Variants in ANXA6 observed in about 807,000 individuals in gnomAD.
ANXA6 encodes the protein annexin A6.
A neutral mutation model predicts 95.4 loss-of-function variants in ANXA6; 71 were observed. That is an observed-to-expected ratio of 0.74 (90% confidence interval 0.61 to 0.91). The LOEUF (loss-of-function observed/expected upper bound fraction) is 0.91. ANXA6 is among the 40% of genes least tolerant of loss of function. The pLI is 0.00. For missense variants in ANXA6, 830 were observed against 876.4 expected (o/e 0.95, Z 0.67); for synonymous variants, 289 against 315.9 (o/e 0.91, Z 0.90).
chr5:151,120,216 C>A (rs945778673), intron 17 of ANXA6, among the ~76,000 whole-genome samples: 2 of 151,962 alleles, frequency 1.3e-5, no homozygotes, highest in Non-Finnish European at 2.9e-5. Flanking sequence ...CGTTACATGC[C>A]CTGGACTAAG....
chr5:151,111,938 G>A (rs1764862125), intron 20 of ANXA6, among the ~76,000 whole-genome samples: 1 of 151,996 alleles, frequency 6.6e-6, no homozygotes, highest in South Asian at 2.1e-4. Flanking sequence ...ACATGTGCAT[G>A]CCACCAGCCC....
intron 24 of ANXA6, among the ~76,000 whole-genome samples, chr5:151,104,866 T>C (rs565054648): frequency 9.8e-5 from 15 of 152,354 alleles, no homozygotes; most frequent in East Asian, 7.7e-4. Context: ...CCTGTGTGCC[T>C]CCAGAGCACA....
chr5:151,121,195 C>A (rs1257847727), intron 17 of ANXA6, among the ~76,000 whole-genome samples: 7 of 152,190 alleles, frequency 4.6e-5, no homozygotes, highest in African/African-American at 7.2e-5. Flanking sequence ...TCAAGACAGG[C>A]TCTAGAGTCA....
chr5:151,154,016 G>A (rs890918289), intron 1 of ANXA6, among the ~76,000 whole-genome samples: 1 of 151,996 alleles, frequency 6.6e-6, no homozygotes, highest in African/African-American at 2.4e-5. Flanking sequence ...GCTTTCTTTA[G>A]TGACCTCAGC....
At chr5:151,106,342 G>A (rs367832866) in intron 23 of ANXA6, among the ~76,000 whole-genome samples, 4 of 152,266 alleles carry the variant, frequency 2.6e-5, no homozygotes, top group Non-Finnish European at 5.9e-5. Flanking sequence ...TGGATATAAT[G>A]AGAACAGACG....
chr5:151,123,874 TGAGG>T (rs3838655), intron 15 of ANXA6, among the ~76,000 whole-genome samples: 68,049 of 151,736 alleles, frequency 0.45, 15,905 homozygotes, highest in Admixed American at 0.59. Flanking sequence ...CACCACAGAA[TGAGG>T]GAGGGCTCTT....
Position 151,140,195 on chromosome 5 carries a change from T to C in ANXA6, c.67A>G (p.Asn23Asp), listed in dbSNP as rs1765788958. 6.2e-7 allele frequency: 1 copy of C among 1,613,802 alleles called. No homozygotes were observed. Among genetic ancestry groups the C allele is most frequent in the Non-Finnish European group, 8.5e-7 (1 of 1,179,876 alleles). Residue 23 changes from asparagine (N) to aspartate (D), a missense_variant, in exon 3 of 26, where the codon AAC becomes GAC. Asn to Asp is a conservative substitution (Grantham distance 23). Coordinates refer to ENST00000354546, the MANE Select transcript of ANXA6 (RefSeq NM_001155.5). The stretch of plus-strand genomic sequence containing the variant: ...GTGTACAGAGCCTCGGCATCCTGGT[T>C]GGGGTCAAAGCCTGGGAAGTCATGG... ...SIHDFPGFDPNQDAEALYTAM... is the reference protein window; with the variant it reads ...SIHDFPGFDPDQDAEALYTAM...
intron 20 of ANXA6, among the ~76,000 whole-genome samples, chr5:151,112,935 C>T (rs577002696): frequency 6.6e-6 from 1 of 152,254 alleles, no homozygotes; most frequent in East Asian, 1.9e-4. Context: ...CAGTCAAATT[C>T]ACAGACATAG....
chr5:151,140,410 T>G, intron 2 of ANXA6, 167 bp from the exon 3 acceptor site: 1 of 632,270 alleles, frequency 1.6e-6, no homozygotes. Flanking sequence ...GACTTTCCCA[T>G]ACCACCTGCT....
intron 22 of ANXA6, 111 bp downstream of exon 22, chr5:151,109,642 A>T: frequency 1.2e-6 from 1 of 800,910 alleles, no homozygotes; most frequent in Non-Finnish European, 2.1e-6. Context: ...CTGCTGGGTT[A>T]AGGAGGAGGT....
chr5:151,110,067 G>T (rs931625319), intron 21 of ANXA6, among the ~76,000 whole-genome samples: 1 of 152,260 alleles, frequency 6.6e-6, no homozygotes, highest in South Asian at 2.1e-4. Flanking sequence ...GACAAAGATG[G>T]CCTTAGCACT....
chr5:151,131,242 T>C lies in ANXA6; in HGVS notation c.784A>G (p.Lys262Glu). The C allele has an allele frequency of 6.2e-7, 1 of 1,613,964 alleles. No individual in the cohort carries two copies. Among genetic ancestry groups the C allele is most frequent in the Non-Finnish European group, 8.5e-7 (1 of 1,179,864 alleles). Residue 262 changes from lysine to glutamate, a missense_variant, in exon 11 of 26, where the codon AAG becomes GAG. Physicochemically the swap from Lys to Glu is moderately conservative, Grantham distance 56. Coordinates refer to ENST00000354546, the MANE Select transcript of ANXA6 (RefSeq NM_001155.5). Reference sequence around the variant, plus strand: ...GCCCCACCACGCACCTTCATAGCCTTGAAGAGCCTTTCAGCAAAATATTCC... The same window carrying C: ...GCCCCACCACGCACCTTCATAGCCTCGAAGAGCCTTTCAGCAAAATATTCC... ...TPEYFAERLF[K>E]AMKGLGTRDN...
intron 20 of ANXA6, among the ~76,000 whole-genome samples, chr5:151,111,444 C>T (rs1764845602): frequency 6.6e-6 from 1 of 152,218 alleles, no homozygotes; most frequent in Non-Finnish European, 1.5e-5. Context: ...AAACCTTCCT[C>T]TTCTTTTCAT....
intron 18 of ANXA6, among the ~76,000 whole-genome samples, chr5:151,118,850 G>T (rs1045315849): frequency 6.6e-6 from 1 of 152,164 alleles, no homozygotes; most frequent in African/African-American, 2.4e-5. Flanking sequence ...TTACAGGTGT[G>T]AGCCACTGCA....
chr5:151,128,733 A>G (rs1242290911), intron 12 of ANXA6, among the ~76,000 whole-genome samples: 2 of 152,264 alleles, frequency 1.3e-5, no homozygotes, highest in African/African-American at 4.8e-5. Context: ...TTGGGGCTTC[A>G]TAATGGACTT....
intron 17 of ANXA6, among the ~76,000 whole-genome samples, chr5:151,120,504 G>C (rs925712177): frequency 6.6e-6 from 1 of 151,770 alleles, no homozygotes; most frequent in Non-Finnish European, 1.5e-5. Context: ...ATCACTTGAG[G>C]TCAGGAGTTC....
At chr5:151,149,624 T>A (rs1766059869) in intron 1 of ANXA6, among the ~76,000 whole-genome samples, 1 of 152,130 alleles carries the variant, frequency 6.6e-6, no homozygotes, top group East Asian at 2.0e-4. Flanking sequence ...GTAGCTGGGA[T>A]TACAGGTGCA....
chr5:151,103,785 T>C, intron 24 of ANXA6, 93 bp from the exon 25 acceptor site: 2 of 1,402,168 alleles, frequency 1.4e-6, no homozygotes, highest in Admixed American at 2.9e-5. Flanking sequence ...CCTTTCTCCC[T>C]TGTTCCTTCC....
At chr5:151,157,448 C>G (rs555477604) in intron 1 of ANXA6, among the ~76,000 whole-genome samples, 5 of 152,202 alleles carry the variant, frequency 3.3e-5, no homozygotes, top group South Asian at 2.1e-4. Context: ...CTCCCCTCCC[C>G]CTAGCCAGGG....
Sources: gnomAD v4.1 joint callset for allele counts (sites outside exome capture counted in the v4.1 genomes callset) on GRCh38, gnomAD v4.1.1 for gene constraint, MANE v1.5 for transcripts, NCBI Gene and HGNC (gene_info 2026-07-23, HGNC 2026-07-21) for gene names.